Variants in EYA1 observed in about 807,000 individuals in gnomAD.
EYA1 encodes EYA transcriptional coactivator and phosphatase 1.
In EYA1, 16 loss-of-function variants were observed where a neutral mutation model predicts 82.0. The observed-to-expected ratio is 0.20, with a 90% CI of 0.13 to 0.30. EYA1 has a LOEUF of 0.30. Ranked by LOEUF, EYA1 falls within the 10% of genes least tolerant of loss-of-function variation. EYA1 has a pLI of 1.00. For synonymous variants in EYA1, 261 were observed against 264.4 expected (o/e 0.99, Z 0.12); for missense variants, 633 against 730.7 (o/e 0.87, Z 1.54).
chr8:71,472,833 A>C (rs1181173818), intron 2 of EYA1, among the ~76,000 whole-genome samples: 1 of 144,332 alleles, frequency 6.9e-6, no homozygotes, highest in African/African-American at 2.6e-5. Flanking sequence ...GAGTATATGC[A>C]TATATATTTA....
intron 9 of EYA1, among the ~76,000 whole-genome samples, chr8:71,277,113 A>G (rs1414602097): frequency 9.4e-6 from 1 of 106,860 alleles, no homozygotes; most frequent in African/African-American, 3.6e-5. Flanking sequence ...ATGGCTTCAC[A>G]CATTTTTTTT....
intron 11 of EYA1, among the ~76,000 whole-genome samples, chr8:71,253,527 G>C (rs551356511): frequency 6.6e-6 from 1 of 152,198 alleles, no homozygotes; most frequent in Non-Finnish European, 1.5e-5. Flanking sequence ...TAGCATGTTA[G>C]ATTGTATATA....
chr8:71,386,230 A>G (rs1828958853), intron 2 of EYA1, among the ~76,000 whole-genome samples: 2 of 152,168 alleles, frequency 1.3e-5, no homozygotes, highest in Admixed American at 1.3e-4. Flanking sequence ...TGTCTCCAAG[A>G]CCAGGGTCAA....
chr8:71,508,319 G>A (rs960698122), intron 2 of EYA1, among the ~76,000 whole-genome samples: 4 of 152,104 alleles, frequency 2.6e-5, no homozygotes, highest in African/African-American at 7.2e-5. Context: ...TGTCGCCCAG[G>A]CTGGAGTGCA....
intron 2 of EYA1, among the ~76,000 whole-genome samples, chr8:71,506,548 A>C (rs1017879763): frequency 6.6e-6 from 1 of 152,156 alleles, no homozygotes. Context: ...TAATTTTGCA[A>C]TTTAATTATA....
chr8:71,249,406 ATTC>A (rs147159899), intron 11 of EYA1, among the ~76,000 whole-genome samples: 10,956 of 152,036 alleles, frequency 0.072, 969 homozygotes, highest in African/African-American at 0.22. Flanking sequence ...AAGCAAACAT[ATTC>A]TTCTTCACAT....
intron 2 of EYA1, among the ~76,000 whole-genome samples, chr8:71,413,986 T>C (rs1410394862): frequency 2.0e-5 from 3 of 152,162 alleles, no homozygotes; most frequent in Admixed American, 1.3e-4. Flanking sequence ...TGTTAGAGAA[T>C]GCTGTTGGGA....
intron 2 of EYA1, among the ~76,000 whole-genome samples, chr8:71,371,523 T>G (rs1828079735): frequency 6.6e-6 from 1 of 152,178 alleles, no homozygotes; most frequent in South Asian, 2.1e-4. Context: ...CAACAAGTCA[T>G]TTAACTAAAG....
At chr8:71,277,941 A>C (rs1817391547) in intron 9 of EYA1, among the ~76,000 whole-genome samples, 1 of 152,244 alleles carries the variant, frequency 6.6e-6, no homozygotes, top group African/African-American at 2.4e-5. Context: ...CACATAAGAT[A>C]ATTAAATTTT....
intron 6 of EYA1, among the ~76,000 whole-genome samples, chr8:71,319,162 G>A (rs995403705): frequency 1.2e-4 from 18 of 149,308 alleles, no homozygotes; most frequent in East Asian, 1.2e-3. Flanking sequence ...ACGGAGTCTC[G>A]CTCTGTCACC....
intron 3 of EYA1, among the ~76,000 whole-genome samples, chr8:71,344,733 G>T (rs913721000): frequency 6.6e-6 from 1 of 152,228 alleles, no homozygotes; most frequent in Non-Finnish European, 1.5e-5. Context: ...CTGAATAAAA[G>T]TATATCAGTG....
At chr8:71,426,556 T>G (rs1805245013) in intron 2 of EYA1, among the ~76,000 whole-genome samples, 1 of 152,222 alleles carries the variant, frequency 6.6e-6, no homozygotes, top group Non-Finnish European at 1.5e-5. Context: ...GGGCTGTTCT[T>G]GGGAGCATTC....
At chr8:71,513,050 G>A (rs113067371) in intron 2 of EYA1, among the ~76,000 whole-genome samples, 1 of 151,950 alleles carries the variant, frequency 6.6e-6, no homozygotes, top group Non-Finnish European at 1.5e-5. Context: ...TAAAAACAAG[G>A]GTAAAAAAGT....
chr8:71,537,013 G>A (rs528384003), intron 1 of EYA1, among the ~76,000 whole-genome samples: 10 of 152,260 alleles, frequency 6.6e-5, no homozygotes, highest in African/African-American at 2.4e-4. Context: ...ATGAGTCTAT[G>A]TATTTCACAC....
At chr8:71,535,965 A>G (rs1420876048) in intron 1 of EYA1, 1 of 401,934 alleles carries the variant, frequency 2.5e-6, no homozygotes, top group African/African-American at 2.1e-5. Flanking sequence ...AAGAACACTT[A>G]CCTTCACTGA....
At chr8:71,405,335 C>T (rs1406262648) in intron 2 of EYA1, among the ~76,000 whole-genome samples, 2 of 152,204 alleles carry the variant, frequency 1.3e-5, no homozygotes, top group Admixed American at 1.3e-4. Flanking sequence ...CTCTCCTCTC[C>T]TGTCCAACCT....
intron 2 of EYA1, among the ~76,000 whole-genome samples, chr8:71,420,395 G>A (rs1169024284): frequency 1.3e-5 from 2 of 151,942 alleles, no homozygotes; most frequent in Admixed American, 1.3e-4. Context: ...GTTAAAGGTG[G>A]AAAACATGGA....
At chr8:71,199,737 T>C (rs1360942225) in intron 17 of EYA1, among the ~76,000 whole-genome samples, 1 of 152,236 alleles carries the variant, frequency 6.6e-6, no homozygotes, top group Non-Finnish European at 1.5e-5. Flanking sequence ...ATGGCAGCTG[T>C]TCACGTATCC....
chr8:71,201,757 T>G (rs944950147), intron 17 of EYA1, among the ~76,000 whole-genome samples: 1 of 152,162 alleles, frequency 6.6e-6, no homozygotes, highest in Non-Finnish European at 1.5e-5. Context: ...TTTAGACACA[T>G]TTTAAAAGAA....
Sources: gnomAD v4.1 joint callset for allele counts (sites outside exome capture counted in the v4.1 genomes callset) on GRCh38, gnomAD v4.1.1 for gene constraint, MANE v1.5 for transcripts, NCBI Gene and HGNC (gene_info 2026-07-23, HGNC 2026-07-21) for gene names.